AKAP8: variants seen among roughly 807,000 people sequenced by gnomAD.
The protein encoded by AKAP8 is A-kinase anchor protein 8.
AKAP8 carries 24 observed loss-of-function variants against 67.5 expected under a neutral mutation model. The ratio of observed to expected loss-of-function variants is 0.36; its 90% CI spans 0.26 to 0.50. The LOEUF is 0.50. Ranked by LOEUF, AKAP8 falls within the 20% of genes least tolerant of loss-of-function variation. The pLI is 0.97. For synonymous variants in AKAP8, 400 were observed against 371.1 expected, an observed-to-expected ratio of 1.08 and a Z score of -0.90; for missense variants, 971 against 955.9, an observed-to-expected ratio of 1.02 and a Z score of -0.21.
chr19:15,368,780 G>A (rs1253139975), intron 8 of AKAP8: 5 of 985,186 alleles, frequency 5.1e-6, no homozygotes, highest in African/African-American at 1.7e-5. Flanking sequence ...GGACTGTGAC[G>A]AGCGTCCTGG....
At chr19:15,363,227 G>T (rs1339430239) in intron 9 of AKAP8, among the ~76,000 whole-genome samples, 2 of 151,112 alleles carry the variant, frequency 1.3e-5, no homozygotes, top group African/African-American at 4.9e-5. Context: ...GGAGGGAGGT[G>T]GGGGGATCAG....
chr19:15,378,537 C>A (rs1356512938), intron 1 of AKAP8, among the ~76,000 whole-genome samples: 1 of 152,200 alleles, frequency 6.6e-6, no homozygotes, highest in Non-Finnish European at 1.5e-5. Flanking sequence ...GTGAAATCTA[C>A]CCAGGCTGCG....
intron 1 of AKAP8, 142 bp from the exon 2 acceptor site, chr19:15,377,156 A>T (rs1967267612): frequency 1.1e-6 from 1 of 909,220 alleles, no homozygotes; most frequent in Non-Finnish European, 1.6e-6. Context: ...ACCAAAAAAA[A>T]GCCATCACAC....
chr19:15,379,687 C>G (rs750215358), intron 1 of AKAP8, 26 bp downstream of exon 1: 4 of 1,606,734 alleles, frequency 2.5e-6, no homozygotes, highest in Middle Eastern at 3.3e-4. Flanking sequence ...TCCCTCCCCG[C>G]TCCGCACCCA....
intron 12 of AKAP8, 117 bp from the exon 13 acceptor site, chr19:15,359,179 A>C: frequency 1.1e-6 from 1 of 873,040 alleles, no homozygotes; most frequent in Non-Finnish European, 1.8e-6. Flanking sequence ...AGCGAATCTC[A>C]AAACGCCAGC....
At position 15,369,315 on chromosome 19, in the gene AKAP8, G is replaced by A. The variant is rs183239722; in HGVS notation, c.1072+831C>T. On this transcript the variant is annotated intron_variant, in intron 8 of 13. Transcript: ENST00000269701. This position sits in a 1 kb window ranked among gnomAD's most constrained non-coding sequence, Gnocchi z 4.6. Reference sequence around the variant, plus strand: ...GCTATGGACAGGACTGCTGCGGGTCGCGGGGGGGAGGACCGCAGAGGGCTG... The same window carrying A: ...GCTATGGACAGGACTGCTGCGGGTCACGGGGGGGAGGACCGCAGAGGGCTG... 238 of 964,542 alleles carry A rather than the reference G, an allele frequency of 2.5e-4. 3 individuals carry two copies. The highest frequency in any genetic ancestry group is 5.6e-4 in the African/African-American group (32 of 56,920). The allele number at this position is 964,542 out of a possible 1,614,324, so 59.7% of individuals were successfully genotyped here. A position where few individuals can be genotyped will look rare whatever the true frequency, so the allele number is the denominator to read the frequency against.
At chr19:15,356,700 T>A (rs2048280797) in intron 13 of AKAP8, among the ~76,000 whole-genome samples, 1 of 152,018 alleles carries the variant, frequency 6.6e-6, no homozygotes, top group Non-Finnish European at 1.5e-5. Flanking sequence ...ATTACCAGAT[T>A]AGGAAACATG....
intron 9 of AKAP8, among the ~76,000 whole-genome samples, chr19:15,364,387 G>A (rs1209708414): frequency 1.3e-5 from 2 of 151,794 alleles, no homozygotes; most frequent in East Asian, 3.9e-4. Context: ...GTCTCCCTCT[G>A]TTGCCCAGGC....
intron 12 of AKAP8, among the ~76,000 whole-genome samples, chr19:15,359,448 G>T (rs1306309978): frequency 6.6e-6 from 1 of 152,216 alleles, no homozygotes; most frequent in Non-Finnish European, 1.5e-5. Flanking sequence ...TGCTGGGTGT[G>T]GCAGCTCATG....
Position 15,373,889 on chromosome 19 carries a change from C to T in AKAP8, c.268G>A (p.Asp90Asn), listed in dbSNP as rs746722423. The T allele has an allele frequency of 1.1e-5, 18 of 1,613,370 alleles. No individual in the cohort carries two copies. The highest frequency in any genetic ancestry group is 1.1e-4 in the East Asian group (5 of 44,886). ...YGPEPCTDNS[D>N]SLIAKINQRL... The stretch of plus-strand genomic sequence containing the variant: ...TGGTTGATCTTGGCAATGAGGGAGT[C>T]GGAATTGTCGGTGCATGGCTCTGGG... The change falls in exon 4 of 14, where the codon GAC becomes AAC. Residue 90 changes from aspartate (D) to asparagine (N), a missense_variant. Around this residue, in one of 3 missense-constraint regions of AKAP8, gnomAD observed 763 missense variants for 745.4 expected, o/e 1.02. Coordinates refer to ENST00000269701, the MANE Select transcript of AKAP8 (RefSeq NM_005858.4).
chr19:15,368,259 CTG>C lies in AKAP8; in HGVS notation c.1134_1135del (p.Asp378GlufsTer21). 1 of 1,613,260 alleles carries C rather than the reference CTG, an allele frequency of 6.2e-7. No homozygotes were observed. The highest frequency in any genetic ancestry group is 8.5e-7 in the Non-Finnish European group (1 of 1,179,972). ...CCTGTCGGCTGCACGGTCCCGCGTC[CTG>C]TCTCTTCTCCTTTGCTTTTCCCTTC... On this transcript the variant is annotated frameshift_variant, in exon 9 of 14. Transcript: ENST00000269701. LOFTEE classifies it high-confidence loss of function.
chr19:15,366,443 C>T (rs1041585756), intron 9 of AKAP8, among the ~76,000 whole-genome samples: 4 of 151,724 alleles, frequency 2.6e-5, no homozygotes, highest in Admixed American at 2.0e-4. Context: ...AACAGTTCTG[C>T]GTTTGGTTCC....
Position 15,353,737 on chromosome 19 carries a change from A to C in AKAP8, c.*1178T>G, listed in dbSNP as rs555761190. The C allele has an allele frequency of 2.6e-5, 4 of 152,142 alleles. No individual in the cohort carries two copies. Among genetic ancestry groups the C allele is most frequent in the Non-Finnish European group, 5.9e-5 (4 of 68,014 alleles). The allele number at this position is 152,142 out of a possible 1,614,324, so 9.4% of individuals were successfully genotyped here. ...TGGCCAGCGTTTCCCAACATGTGAGATGTACAGTTCAAAAGGCCACAGGGA... is the reference window on the plus strand; with the variant it reads ...TGGCCAGCGTTTCCCAACATGTGAGCTGTACAGTTCAAAAGGCCACAGGGA... On this transcript the variant is annotated 3_prime_UTR_variant, in exon 14 of 14. Transcript: ENST00000269701.
intron 13 of AKAP8, among the ~76,000 whole-genome samples, chr19:15,358,229 G>A (rs1229838732): frequency 6.6e-6 from 1 of 152,080 alleles, no homozygotes; most frequent in African/African-American, 2.4e-5. Context: ...TTGGGACTTC[G>A]ATATGCTGCT....
In AKAP8 at chr19:15,359,060, C is replaced by A. The variant is rs779932239; in HGVS notation, c.1530G>T (p.Leu510Phe). The change falls in exon 13 of 14, where the codon TTG becomes TTT. Residue 510 changes from leucine to phenylalanine, a missense_variant and splice_region_variant. Transcript: ENST00000269701. ...HSVDHNHNRR[L>F]AAEQFKKTSL... ...TGGTTTTCTTGAACTGTTCAGCAGCCAACTGCAAAGGGAACCAAATGTGAG... is the reference window on the plus strand; with the variant it reads ...TGGTTTTCTTGAACTGTTCAGCAGCAAACTGCAAAGGGAACCAAATGTGAG... The A allele has an allele frequency of 9.9e-6, 16 of 1,613,966 alleles. No homozygotes were observed. The highest frequency in any genetic ancestry group is 1.4e-5 in the Non-Finnish European group (16 of 1,179,914).
At position 15,372,871 on chromosome 19, in the gene AKAP8, G is replaced by T. The variant is rs779146472; in HGVS notation, c.841C>A (p.Arg281=). ...CTTACCCGATCCCGATCCCGCATCC[G>T]AGGCTGCGAGCGGCCACATCCGTAG... ...MPYGCGRSQP[R]MRDRDRPKRR... is the part of the protein sequence containing the mutation. Residue 281 remains arginine, a synonymous_variant, in exon 5 of 14, where the codon CGG becomes AGG. Transcript: ENST00000269701. The T allele has an allele frequency of 3.3e-6, 5 of 1,500,544 alleles. No homozygotes were observed. In the South Asian group the frequency reaches 6.9e-5, roughly 21 times the overall value. 93.0% of individuals were successfully genotyped at this position (1,500,544 alleles called of 1,614,324 possible).
rs748870403 is a variant in AKAP8 at position 15,362,274 on chromosome 19, GGAGTGAAGCAGGGAGCATCAGC to G, written c.1161-45_1161-24del. On this transcript the variant is annotated intron_variant, in intron 9 of 13. Transcript: ENST00000269701. ...ATTCTGTAGAAGGAAAACAAGGAGGGGAGTGAAGCAGGGAGCATCAGCGAGTGAAGCAGGGGGCATCAGCTCA... is the reference window on the plus strand; with the variant it reads ...ATTCTGTAGAAGGAAAACAAGGAGGGGAGTGAAGCAGGGGGCATCAGCTCA... The G allele has an allele frequency of 1.1e-4, 182 of 1,613,568 alleles. No homozygotes were observed. The East Asian group carries it at 2.0e-3, about 17-fold the overall frequency.
intron 1 of AKAP8, chr19:15,379,223 G>A (rs1967321010): frequency 1.3e-5 from 2 of 156,922 alleles, no homozygotes; most frequent in African/African-American, 4.8e-5. Flanking sequence ...CGGGCCTAGG[G>A]CAGGTCGGGA....
intron 9 of AKAP8, 148 bp from the exon 10 acceptor site, chr19:15,362,399 T>TCCCTCTCTTTCCACGGTCTCCCTCC (rs1322668017): frequency 2.2e-6 from 1 of 447,618 alleles, no homozygotes; most frequent in African/African-American, 2.4e-5. Context: ...GGTCTCCCTC[T>TCCCTCTCTTTCCACGGTCTCCCTCC]GATGCCGAGC....
Sources: allele counts gnomAD v4.1 joint callset (sites outside exome capture counted in the v4.1 genomes callset), GRCh38; gene constraint gnomAD v4.1.1; regional missense constraint gnomAD v4.1.1; non-coding constraint Gnocchi (gnomAD v3.1); transcripts MANE v1.5; gene names NCBI Gene and HGNC (gene_info 2026-07-23, HGNC 2026-07-21).